SLIT1: variants seen among roughly 807,000 people sequenced by gnomAD.
The protein encoded by SLIT1 is slit guidance ligand 1.
A neutral mutation model predicts 186.1 loss-of-function variants in SLIT1; 66 were observed. The ratio of observed to expected loss-of-function variants is 0.35; its 90% confidence interval spans 0.29 to 0.44. The LOEUF is 0.44. Ranked by LOEUF, SLIT1 falls within the 20% of genes least tolerant of loss-of-function variation. SLIT1 has a pLI of 1.00. For missense variants in SLIT1, 1,638 were observed against 2,037.4 expected, an observed-to-expected ratio of 0.80 and a Z score of 3.77; for synonymous variants, 761 against 833.8, an observed-to-expected ratio of 0.91 and a Z score of 1.50.
At chr10:97,049,619 G>A (rs1250766774) in intron 13 of SLIT1, among the ~76,000 whole-genome samples, 5 of 152,170 alleles carry the variant, frequency 3.3e-5, no homozygotes, top group African/African-American at 4.8e-5. Context: ...TCAGACTCAG[G>A]TAGCAGCCTG....
chr10:97,185,240 C>CAGGTGT (rs1046113351), intron 1 of SLIT1, among the ~76,000 whole-genome samples: 3 of 152,228 alleles, frequency 2.0e-5, no homozygotes, highest in African/African-American at 7.2e-5. Flanking sequence ...GTGCAGGGTG[C>CAGGTGT]AGGTGTGAGG....
At chr10:97,081,060 A>T (rs1380117274) in intron 4 of SLIT1, among the ~76,000 whole-genome samples, 1 of 152,104 alleles carries the variant, frequency 6.6e-6, no homozygotes, top group Non-Finnish European at 1.5e-5. Context: ...CACCCTTCAC[A>T]CGCATCACTT....
rs1449277266 is a variant in SLIT1 at position 97,112,475 on chromosome 10, A to C, written c.413+45343T>G. The stretch of plus-strand genomic sequence containing the variant: ...CTCAGGTCCCAGGACCACATAAAGC[A>C]ATGGGCCAGGACAGATAATCCACAC... On this transcript the variant is annotated intron_variant, in intron 4 of 36. Coordinates refer to ENST00000266058, the MANE Select transcript of SLIT1 (RefSeq NM_003061.3). Among the ~76,000 whole-genome samples, 4 of 152,280 alleles carry C rather than the reference A, an allele frequency of 2.6e-5. No individual in the cohort carries two copies. In the East Asian group the frequency reaches 7.7e-4, roughly 29 times the overall value.
At chr10:97,098,477 C>T (rs964458261) in intron 4 of SLIT1, among the ~76,000 whole-genome samples, 1 of 152,130 alleles carries the variant, frequency 6.6e-6, no homozygotes, top group Admixed American at 6.5e-5. Flanking sequence ...GAGGACTTGG[C>T]GAGGCAGAGT....
chr10:97,072,955 A>G (rs1375950151), intron 4 of SLIT1, among the ~76,000 whole-genome samples: 1 of 152,222 alleles, frequency 6.6e-6, no homozygotes, highest in Non-Finnish European at 1.5e-5. Flanking sequence ...GCAGCATTCA[A>G]GAAATGCGGG....
chr10:97,092,953 A>G (rs1564673653), intron 4 of SLIT1, among the ~76,000 whole-genome samples: 1 of 152,218 alleles, frequency 6.6e-6, no homozygotes, highest in Admixed American at 6.5e-5. Flanking sequence ...ATAAGAGGAA[A>G]GTGAGGTTCA....
chr10:97,127,687 C>CA, intron 4 of SLIT1, among the ~76,000 whole-genome samples: 2 of 152,336 alleles, frequency 1.3e-5, no homozygotes, highest in Middle Eastern at 3.4e-3. Flanking sequence ...TGCGTAGTCA[C>CA]ATGGTGGCTT....
chr10:97,040,398 C>T (rs554268732), intron 20 of SLIT1, among the ~76,000 whole-genome samples: 1 of 152,234 alleles, frequency 6.6e-6, no homozygotes, highest in South Asian at 2.1e-4. Context: ...GGAGGATGGC[C>T]GCGCACCATC....
At chr10:97,087,671 G>T (rs1321680984) in intron 4 of SLIT1, among the ~76,000 whole-genome samples, 1 of 151,994 alleles carries the variant, frequency 6.6e-6, no homozygotes, top group Non-Finnish European at 1.5e-5. Context: ...TCACACTCTC[G>T]GCTCCTGTCC....
intron 4 of SLIT1, among the ~76,000 whole-genome samples, chr10:97,095,178 G>C (rs1278252283): frequency 6.6e-6 from 1 of 152,214 alleles, no homozygotes; most frequent in Non-Finnish European, 1.5e-5. Flanking sequence ...AGCTACTAGG[G>C]AGACTAAAGC....
At position 97,018,624 on chromosome 10, in the gene SLIT1, G is replaced by T; in HGVS notation, c.2931C>A (p.Gly977=). 1 of 1,596,114 alleles carries T rather than the reference G, an allele frequency of 6.3e-7. No individual in the cohort carries two copies. ...CCTCGCCCTCCTGTGCATGGCAGGT[G>T]CCCCCATTTTCACAGGGGCCACTGG... ...SCSSGPCENG[G]TCHAQEGEDA... is the part of the protein sequence containing the mutation. Residue 977 remains glycine, a synonymous_variant, in exon 28 of 37, where the codon GGC becomes GGA. Coordinates refer to ENST00000266058, the MANE Select transcript of SLIT1 (RefSeq NM_003061.3).
intron 4 of SLIT1, chr10:97,102,416 C>A (rs1849366281): frequency 1.1e-5 from 1 of 88,676 alleles, no homozygotes; most frequent in African/African-American, 4.0e-5. Context: ...ATGAGTAAGA[C>A]TCCGTCAAAA....
intron 4 of SLIT1, among the ~76,000 whole-genome samples, chr10:97,147,281 G>A (rs1250547978): frequency 6.6e-6 from 1 of 152,134 alleles, no homozygotes; most frequent in African/African-American, 2.4e-5. Context: ...GGGGGATGAG[G>A]AGCTATTGCT....
rs1589361054 is a variant in SLIT1 at position 97,008,074 on chromosome 10, G to A, written c.3342-1354C>T. 1.3e-5 allele frequency among the ~76,000 whole-genome samples: 2 copies of A among 151,750 alleles called. 1 individual carries two copies. ...GAAGGAAGGCAAGCAAGGGAAGGAG[G>A]AAAGGAAAGATAAATAAAATGCATC... On this transcript the variant is annotated intron_variant, in intron 31 of 36. Coordinates refer to ENST00000266058, the MANE Select transcript of SLIT1 (RefSeq NM_003061.3).
At chr10:97,030,163 C>T (rs191446236) in intron 25 of SLIT1, among the ~76,000 whole-genome samples, 58 of 152,304 alleles carry the variant, frequency 3.8e-4, no homozygotes, top group Middle Eastern at 6.8e-3. Flanking sequence ...ATACAGTAAT[C>T]CTATGTTGAG....
intron 6 of SLIT1, 123 bp downstream of exon 6, chr10:97,064,682 G>A: frequency 1.5e-6 from 1 of 688,276 alleles, no homozygotes; most frequent in East Asian, 2.6e-5. Context: ...CCTCCGAGGT[G>A]ATTCTAGGAG....
chr10:97,167,293 C>T (rs568831209), intron 1 of SLIT1, among the ~76,000 whole-genome samples: 1 of 152,200 alleles, frequency 6.6e-6, no homozygotes, highest in Non-Finnish European at 1.5e-5. Flanking sequence ...CCCTCTGCAC[C>T]CCGGCCTTTC....
intron 30 of SLIT1, among the ~76,000 whole-genome samples, chr10:97,012,922 C>T (rs1490928955): frequency 6.6e-6 from 1 of 152,196 alleles, no homozygotes; most frequent in East Asian, 1.9e-4. Flanking sequence ...AATGAGACTA[C>T]GTTTGCACAA....
intron 4 of SLIT1, among the ~76,000 whole-genome samples, chr10:97,083,185 T>A (rs1184735850): frequency 6.6e-6 from 1 of 152,190 alleles, no homozygotes; most frequent in Non-Finnish European, 1.5e-5. Context: ...TGCTCCCACC[T>A]CAGCCTCCCA....
Sources: gnomAD v4.1 joint callset for allele counts (sites outside exome capture counted in the v4.1 genomes callset) on GRCh38, gnomAD v4.1.1 for gene constraint, MANE v1.5 for transcripts, NCBI Gene and HGNC (gene_info 2026-07-23, HGNC 2026-07-21) for gene names.